The following SLC16A7 variants were observed in gnomAD, a reference collection of about 807,000 sequenced individuals.
SLC16A7 encodes the protein monocarboxylate transporter 2.
SLC16A7 carries 33 observed loss-of-function variants against 34.9 expected under a neutral mutation model. The observed-to-expected ratio is 0.94, with a 90% CI of 0.72 to 1.26. The LOEUF is 1.26. SLC16A7 is among the 50% of genes most tolerant of loss of function. The pLI is 0.00. For synonymous variants in SLC16A7, 201 were observed against 206.6 expected, an observed-to-expected ratio of 0.97 and a Z score of 0.23; for missense variants, 573 against 578.1, an observed-to-expected ratio of 0.99 and a Z score of 0.09.
At chr12:59,776,423 T>C (rs563454689) in intron 5 of SLC16A7, among the ~76,000 whole-genome samples, 12 of 152,322 alleles carry the variant, frequency 7.9e-5, no homozygotes, top group Middle Eastern at 3.4e-3. Flanking sequence ...TTAAATGTTA[T>C]AAATATTACA....
intron 3 of SLC16A7, among the ~76,000 whole-genome samples, chr12:59,705,854 A>G (rs1873504433): frequency 6.6e-6 from 1 of 152,142 alleles, no homozygotes; most frequent in African/African-American, 2.4e-5. Flanking sequence ...TAAAGAAATT[A>G]TATCAATTAT....
chr12:59,612,793 C>A (rs1445737517), intron 1 of SLC16A7, among the ~76,000 whole-genome samples: 2 of 152,206 alleles, frequency 1.3e-5, no homozygotes, highest in African/African-American at 4.8e-5. Context: ...GACCTTTACT[C>A]CAGTTCCCAA....
intron 1 of SLC16A7, among the ~76,000 whole-genome samples, chr12:59,635,422 ACACAT>A (rs1485658913): frequency 1.3e-5 from 2 of 152,030 alleles, no homozygotes; most frequent in Non-Finnish European, 2.9e-5. Flanking sequence ...TTATGATAGA[ACACAT>A]TACAAATCAT....
At chr12:59,704,199 C>CAAAAAA (rs34021022) in intron 2 of SLC16A7, among the ~76,000 whole-genome samples, 416 of 47,272 alleles carry the variant, frequency 8.8e-3, no homozygotes, top group African/African-American at 0.01. Flanking sequence ...GACTCTGTCT[C>CAAAAAA]AAAAAAAAAA....
rs182465791 is a variant in SLC16A7 at position 59,727,348 on chromosome 12, G to A, written c.217+22330G>A. 2.2e-3 allele frequency among the ~76,000 whole-genome samples: 336 copies of A among 152,120 alleles called. 1 individual carries two copies. The highest frequency in any genetic ancestry group is 5.6e-3 in the Admixed American group (85 of 15,274). On this transcript the variant is annotated intron_variant, in intron 3 of 5. Coordinates refer to ENST00000547379, the MANE Select transcript of SLC16A7 (RefSeq NM_001270623.2). ...AGAGGAAAAGGTGTACAAAATCTCA[G>A]ATACTGTGGAAAGCCAAATTACTAG...
chr12:59,673,484 T>G (rs76256106), intron 2 of SLC16A7, among the ~76,000 whole-genome samples: 1 of 145,420 alleles, frequency 6.9e-6, no homozygotes. Context: ...GCAAACATGT[T>G]TTTTTTTTTT....
intron 1 of SLC16A7, among the ~76,000 whole-genome samples, chr12:59,622,854 C>T (rs1305360296): frequency 6.6e-6 from 1 of 151,698 alleles, no homozygotes; most frequent in Non-Finnish European, 1.5e-5. Context: ...TTTTAATTTG[C>T]ATCATGTCGC....
rs1439435302 is a variant in SLC16A7 at position 59,789,262 on chromosome 12, T to C, written c.*9583T>C. On this transcript the variant is annotated 3_prime_UTR_variant, in exon 6 of 6. Transcript: ENST00000547379. ...ACAGTATTCTACGATGCAGGCTGAA[T>C]GTATATTACAGTAATTCTCTGGCTA... 4 of 152,158 alleles carry C rather than the reference T, an allele frequency of 2.6e-5. No homozygotes were observed. Among genetic ancestry groups the C allele is most frequent in the Admixed American group, 6.5e-5 (1 of 15,280 alleles). 9.4% of individuals were successfully genotyped at this position (152,158 alleles called of 1,614,324 possible).
intron 3 of SLC16A7, among the ~76,000 whole-genome samples, chr12:59,719,504 C>A (rs1393856168): frequency 1.3e-5 from 2 of 151,894 alleles, no homozygotes; most frequent in African/African-American, 4.8e-5. Context: ...ATGAGTTAAA[C>A]CAAATTTTAT....
intron 3 of SLC16A7, among the ~76,000 whole-genome samples, chr12:59,754,845 G>A (rs1284577630): frequency 6.6e-6 from 1 of 152,172 alleles, no homozygotes; most frequent in Non-Finnish European, 1.5e-5. Context: ...GAACATTGAT[G>A]CAAAAATCCT....
At chr12:59,679,264 A>C (rs1397943744) in intron 2 of SLC16A7, among the ~76,000 whole-genome samples, 1 of 152,034 alleles carries the variant, frequency 6.6e-6, no homozygotes, top group Non-Finnish European at 1.5e-5. Context: ...GGAGTGCAAG[A>C]CTTCTGCCTT....
In SLC16A7 at chr12:59,710,616, T is replaced by C. The variant is rs1034315051; in HGVS notation, c.217+5598T>C. ...TTATTGAAATCTTTTCTGACTGATA[T>C]ATGTGCCTCAGACAGTGAACCTTTC... is the stretch of plus-strand genomic sequence containing the variant. On this transcript the variant is annotated intron_variant, in intron 3 of 5. Coordinates refer to ENST00000547379, the MANE Select transcript of SLC16A7 (RefSeq NM_001270623.2). Among the ~76,000 whole-genome samples the C allele has an allele frequency of 3.9e-5, 6 of 152,308 alleles. 1 individual carries two copies. Among genetic ancestry groups the C allele is most frequent in the African/African-American group, 7.2e-5 (3 of 41,588 alleles).
intron 1 of SLC16A7, among the ~76,000 whole-genome samples, chr12:59,604,263 A>G (rs940917526): frequency 6.6e-6 from 1 of 152,254 alleles, no homozygotes; most frequent in African/African-American, 2.4e-5. Context: ...AGGTATATAT[A>G]GCGATCTACC....
chr12:59,745,932 G>T (rs937982375), intron 3 of SLC16A7, among the ~76,000 whole-genome samples: 1 of 152,102 alleles, frequency 6.6e-6, no homozygotes, highest in African/African-American at 2.4e-5. Flanking sequence ...ATGAAAGAAT[G>T]GAAAACATAA....
intron 3 of SLC16A7, among the ~76,000 whole-genome samples, chr12:59,767,299 C>T (rs1278756482): frequency 1.3e-5 from 2 of 151,912 alleles, no homozygotes; most frequent in African/African-American, 4.8e-5. Flanking sequence ...TCCTGAAGAT[C>T]TAGCTAAGAT....
intron 1 of SLC16A7, among the ~76,000 whole-genome samples, chr12:59,601,820 A>G (rs1878698598): frequency 6.6e-6 from 1 of 152,170 alleles, no homozygotes; most frequent in East Asian, 1.9e-4. Flanking sequence ...TCTCTTTTAT[A>G]AGGGTGCTAA....
chr12:59,635,702 A>T (rs529679201), intron 1 of SLC16A7, among the ~76,000 whole-genome samples: 1 of 152,162 alleles, frequency 6.6e-6, no homozygotes, highest in African/African-American at 2.4e-5. Flanking sequence ...TTCTATTTTG[A>T]CAAGACTCCT....
chr12:59,739,397 T>C (rs1878015559), intron 3 of SLC16A7, among the ~76,000 whole-genome samples: 1 of 137,976 alleles, frequency 7.2e-6, no homozygotes, highest in African/African-American at 2.8e-5. Context: ...GGCTGCATAG[T>C]ATTCTATGGT....
At chr12:59,642,547 A>G (rs951278408) in intron 1 of SLC16A7, among the ~76,000 whole-genome samples, 2 of 152,122 alleles carry the variant, frequency 1.3e-5, no homozygotes, top group African/African-American at 2.4e-5. Flanking sequence ...CAGTAAATGT[A>G]CATTGCATTA....
Sources: allele counts gnomAD v4.1 joint callset (sites outside exome capture counted in the v4.1 genomes callset), GRCh38; gene constraint gnomAD v4.1.1; transcripts MANE v1.5; gene names NCBI Gene and HGNC (gene_info 2026-07-23, HGNC 2026-07-21).